The following MOB3B variants were observed in gnomAD, a reference collection of about 807,000 sequenced individuals.
MOB3B encodes MOB kinase activator-like 2B.
In MOB3B, 7 loss-of-function variants were observed where a neutral mutation model predicts 18.7. That is an observed-to-expected ratio of 0.37 (90% CI 0.21 to 0.70). MOB3B has a LOEUF of 0.70. Ranked by LOEUF, MOB3B falls within the 30% of genes least tolerant of loss-of-function variation. MOB3B has a pLI of 0.52. For synonymous variants in MOB3B, 111 were observed against 99.9 expected, an observed-to-expected ratio of 1.11 and a Z score of -0.66; for missense variants, 253 against 281.3, an observed-to-expected ratio of 0.90 and a Z score of 0.72.
chr9:27,490,273 G>T lies in MOB3B; in HGVS notation c.-198-34525C>A, dbSNP rs148234471. Among the ~76,000 whole-genome samples, 618 of 152,254 alleles carry T rather than the reference G, an allele frequency of 4.1e-3. 4 individuals are homozygous for T. Among genetic ancestry groups the T allele is most frequent in the African/African-American group, 0.014 (564 of 41,540 alleles). ...CAGGCGAAGTTCTAGACCCTGGGGA[G>T]AAAAAGATGAATGAGACACAGTTCT... On this transcript the variant is annotated intron_variant, in intron 1 of 3. Transcript: ENST00000262244.
intron 1 of MOB3B, among the ~76,000 whole-genome samples, chr9:27,491,409 T>G (rs1217850122): frequency 1.3e-5 from 2 of 152,016 alleles, no homozygotes; most frequent in Non-Finnish European, 2.9e-5. Flanking sequence ...GAGAAATGAG[T>G]GTGCAGTGTA....
At chr9:27,394,795 A>G (rs554737771) in intron 2 of MOB3B, among the ~76,000 whole-genome samples, 103 of 152,274 alleles carry the variant, frequency 6.8e-4, no homozygotes, top group Non-Finnish European at 1.2e-3. Context: ...AAGTAAACAT[A>G]CTTTTTAATA....
chr9:27,358,173 A>G (rs1046225692), intron 3 of MOB3B, among the ~76,000 whole-genome samples: 25 of 152,166 alleles, frequency 1.6e-4, no homozygotes, highest in African/African-American at 5.8e-4. Flanking sequence ...TGGTCATTCA[A>G]ATGAACTTGG....
chr9:27,488,021 T>C (rs542525804), intron 1 of MOB3B, among the ~76,000 whole-genome samples: 1 of 152,208 alleles, frequency 6.6e-6, no homozygotes, highest in Non-Finnish European at 1.5e-5. Context: ...AGTCCCTAGG[T>C]CTGCCAGTAT....
At chr9:27,357,342 C>A (rs1821207877) in intron 3 of MOB3B, among the ~76,000 whole-genome samples, 1 of 151,196 alleles carries the variant, frequency 6.6e-6, no homozygotes, top group South Asian at 2.1e-4. Context: ...GACTGCCCCT[C>A]CCAGAGCTAG....
In MOB3B at chr9:27,413,327, C is replaced by CT. The variant is rs1169434496; in HGVS notation, c.418+41805dup. On this transcript the variant is annotated intron_variant, in intron 2 of 3. Coordinates refer to ENST00000262244, the MANE Select transcript of MOB3B (RefSeq NM_024761.5). The stretch of plus-strand genomic sequence containing the variant: ...TTTCATTCTCGTTACTGAAATGGGA[C>CT]TTTTTTTTTTTGTGGAGCTTAAAGT... Among the ~76,000 whole-genome samples the CT allele has an allele frequency of 7.2e-3, 1,052 of 145,276 alleles. 6 individuals are homozygous for CT. The highest frequency in any genetic ancestry group is 0.021 in the African/African-American group (844 of 39,970).
At chr9:27,513,507 G>GC (rs1388187634) in intron 1 of MOB3B, among the ~76,000 whole-genome samples, 1 of 152,108 alleles carries the variant, frequency 6.6e-6, no homozygotes. Flanking sequence ...GGCTTGCTGT[G>GC]CCCTGCCAGT....
chr9:27,469,040 C>A (rs971949528), intron 1 of MOB3B, among the ~76,000 whole-genome samples: 2 of 152,150 alleles, frequency 1.3e-5, no homozygotes, highest in South Asian at 2.1e-4. Flanking sequence ...CACGCAAAGA[C>A]CTTTACCTTT....
intron 2 of MOB3B, among the ~76,000 whole-genome samples, chr9:27,447,541 GCA>G (rs1587221936): frequency 6.6e-6 from 1 of 152,128 alleles, no homozygotes; most frequent in Non-Finnish European, 1.5e-5. Context: ...AAATTACATA[GCA>G]CAGGTAATGG....
chr9:27,491,476 C>A (rs867903640), intron 1 of MOB3B, among the ~76,000 whole-genome samples: 7 of 151,846 alleles, frequency 4.6e-5, no homozygotes, highest in Non-Finnish European at 8.8e-5. Context: ...TATTTTCTGT[C>A]CAAAAAATGG....
chr9:27,369,202 G>GT (rs900795309), intron 2 of MOB3B, among the ~76,000 whole-genome samples: 2 of 152,096 alleles, frequency 1.3e-5, no homozygotes, highest in African/African-American at 2.4e-5. Context: ...ACACCTTCTG[G>GT]TTTTTTTCAT....
chr9:27,468,037 G>T (rs77849262), intron 1 of MOB3B, among the ~76,000 whole-genome samples: 3,293 of 152,308 alleles, frequency 0.022, 121 homozygotes, highest in African/African-American at 0.076. Flanking sequence ...AAAGTTAGCT[G>T]TTTTTGTTAG....
At chr9:27,416,224 C>T (rs1207592270) in intron 2 of MOB3B, among the ~76,000 whole-genome samples, 2 of 151,602 alleles carry the variant, frequency 1.3e-5, no homozygotes, top group East Asian at 1.9e-4. Context: ...TTCATGATCT[C>T]GTAGGACCTC....
chr9:27,414,846 T>C (rs572651256), intron 2 of MOB3B, among the ~76,000 whole-genome samples: 16 of 152,282 alleles, frequency 1.1e-4, no homozygotes, highest in African/African-American at 3.8e-4. Context: ...AGCTGAATGA[T>C]ACTCTAACCG....
At chr9:27,382,028 T>C (rs1821586397) in intron 2 of MOB3B, among the ~76,000 whole-genome samples, 1 of 152,170 alleles carries the variant, frequency 6.6e-6, no homozygotes, top group African/African-American at 2.4e-5. Flanking sequence ...TCAGAAAGCC[T>C]TGGGTTCATA....
chr9:27,468,826 G>T (rs1012806768), intron 1 of MOB3B, among the ~76,000 whole-genome samples: 1 of 152,162 alleles, frequency 6.6e-6, no homozygotes, highest in East Asian at 1.9e-4. Flanking sequence ...ATGGACAAAA[G>T]GAATCTTTTC....
chr9:27,524,839 G>C, intron 1 of MOB3B: 1 of 1,614,072 alleles, frequency 6.2e-7, no homozygotes, highest in Non-Finnish European at 8.5e-7. Context: ...TATTTCCACA[G>C]GATAGACAAT....
At chr9:27,517,923 CTG>C (rs1820263638) in intron 1 of MOB3B, among the ~76,000 whole-genome samples, 1 of 152,092 alleles carries the variant, frequency 6.6e-6, no homozygotes, top group South Asian at 2.1e-4. Flanking sequence ...CTCAGGCTAC[CTG>C]CGGGGAGGGA....
At chr9:27,491,952 G>A (rs941219357) in intron 1 of MOB3B, among the ~76,000 whole-genome samples, 2 of 152,132 alleles carry the variant, frequency 1.3e-5, no homozygotes, top group African/African-American at 4.8e-5. Context: ...ACTTTTATAG[G>A]CATATCTCTT....
Sources: allele counts gnomAD v4.1 joint callset (sites outside exome capture counted in the v4.1 genomes callset), GRCh38; gene constraint gnomAD v4.1.1; transcripts MANE v1.5; gene names NCBI Gene and HGNC (gene_info 2026-07-23, HGNC 2026-07-21).